The following MAGI2 variants were observed in gnomAD, a reference collection of about 807,000 sequenced individuals.
MAGI2 encodes membrane-associated guanylate kinase, WW and PDZ domain-containing protein 2.
A neutral mutation model predicts 133.3 loss-of-function variants in MAGI2; 35 were observed. That is an observed-to-expected ratio of 0.26 (90% CI 0.20 to 0.35). The LOEUF is 0.35. MAGI2 is among the 10% of genes least tolerant of loss of function. The pLI, the probability that MAGI2 is intolerant of heterozygous loss-of-function variation, is 1.00. For synonymous variants in MAGI2, 729 were observed against 710.6 expected (o/e 1.03, Z -0.41); for missense variants, 1,636 against 1,863.4 (o/e 0.88, Z 2.25).
chr7:78,648,997 C>G (rs2362942), intron 2 of MAGI2, among the ~76,000 whole-genome samples: 7,565 of 151,914 alleles, frequency 0.05, 282 homozygotes, highest in East Asian at 0.16. Context: ...ATACCCTTAG[C>G]CATTTCAACA....
intron 4 of MAGI2, among the ~76,000 whole-genome samples, chr7:78,516,106 A>C (rs1044789856): frequency 2.0e-5 from 3 of 152,118 alleles, no homozygotes; most frequent in Non-Finnish European, 2.9e-5. Context: ...AAATAAGAAA[A>C]ATTTTTATTG....
chr7:78,995,343 G>A (rs1806187623), intron 2 of MAGI2, among the ~76,000 whole-genome samples: 1 of 152,022 alleles, frequency 6.6e-6, no homozygotes, highest in African/African-American at 2.4e-5. Context: ...CTATATCAAG[G>A]TAATAGCTTT....
chr7:78,446,124 AT>A (rs1399242334), intron 6 of MAGI2, among the ~76,000 whole-genome samples: 1 of 148,380 alleles, frequency 6.7e-6, no homozygotes, highest in African/African-American at 2.5e-5. Context: ...GTTTCTCTGA[AT>A]TTTTTGAATT....
intron 3 of MAGI2, among the ~76,000 whole-genome samples, chr7:78,541,142 C>A (rs935183110): frequency 4.6e-5 from 7 of 152,178 alleles, no homozygotes; most frequent in Non-Finnish European, 8.8e-5. Flanking sequence ...CCCTGATACT[C>A]AGGATTTCTT....
intron 1 of MAGI2, among the ~76,000 whole-genome samples, chr7:79,424,266 T>G (rs2129181700): frequency 6.6e-6 from 1 of 152,106 alleles, no homozygotes; most frequent in South Asian, 2.1e-4. Flanking sequence ...TTTTCTTTTT[T>G]TTTTTAATTT....
intron 2 of MAGI2, among the ~76,000 whole-genome samples, chr7:78,780,276 A>G (rs1826292499): frequency 2.0e-5 from 3 of 152,230 alleles, no homozygotes; most frequent in Admixed American, 1.3e-4. Flanking sequence ...TTGGGAAAAG[A>G]TATGCACAAA....
chr7:78,185,577 C>A, intron 13 of MAGI2, 52 bp downstream of exon 13: 1 of 1,408,158 alleles, frequency 7.1e-7, no homozygotes, highest in Non-Finnish European at 9.8e-7. Flanking sequence ...ATTTGTTACA[C>A]AAAATGGAAG....
chr7:79,242,216 T>C (rs1178361015), intron 1 of MAGI2, among the ~76,000 whole-genome samples: 1 of 152,192 alleles, frequency 6.6e-6, no homozygotes, highest in Non-Finnish European at 1.5e-5. Context: ...AGGTGATTCA[T>C]ATGCTAATTA....
At chr7:78,445,223 C>T (rs1788013481) in intron 6 of MAGI2, among the ~76,000 whole-genome samples, 1 of 151,974 alleles carries the variant, frequency 6.6e-6, no homozygotes, top group Non-Finnish European at 1.5e-5. Flanking sequence ...AGATATCATG[C>T]AACTATCTGC....
intron 6 of MAGI2, among the ~76,000 whole-genome samples, chr7:78,446,946 G>A (rs565649566): frequency 6.6e-6 from 1 of 152,124 alleles, no homozygotes; most frequent in Middle Eastern, 3.4e-3. Context: ...CCGTTTATAG[G>A]ATGCACAGTT....
At chr7:78,080,386 A>C (rs1815822655) in intron 20 of MAGI2, among the ~76,000 whole-genome samples, 1 of 152,174 alleles carries the variant, frequency 6.6e-6, no homozygotes, top group Non-Finnish European at 1.5e-5. Context: ...GACGGAACTA[A>C]CTTAACTGTT....
intron 2 of MAGI2, among the ~76,000 whole-genome samples, chr7:78,719,388 T>C (rs1443884267): frequency 2.0e-5 from 3 of 152,172 alleles, no homozygotes; most frequent in African/African-American, 7.2e-5. Context: ...AAAATCCAAC[T>C]GTAAGTGACC....
intron 20 of MAGI2, among the ~76,000 whole-genome samples, chr7:78,103,761 G>A (rs80125409): frequency 0.011 from 1,689 of 152,318 alleles, 38 homozygotes; most frequent in African/African-American, 0.037. Flanking sequence ...TGAAAGCATG[G>A]AAAAAGTACA....
At chr7:78,792,379 T>A (rs975288318) in intron 2 of MAGI2, among the ~76,000 whole-genome samples, 6 of 152,244 alleles carry the variant, frequency 3.9e-5, no homozygotes, top group African/African-American at 1.4e-4. Context: ...CCTTATATAA[T>A]TATTTAAAGC....
At chr7:78,650,904 CAGAT>C (rs1345470602) in intron 2 of MAGI2, among the ~76,000 whole-genome samples, 1 of 152,108 alleles carries the variant, frequency 6.6e-6, no homozygotes, top group Non-Finnish European at 1.5e-5. Context: ...TGTATCCGAA[CAGAT>C]AGTGTCACCT....
At chr7:78,707,061 T>C (rs1818724339) in intron 2 of MAGI2, among the ~76,000 whole-genome samples, 1 of 151,994 alleles carries the variant, frequency 6.6e-6, no homozygotes, top group African/African-American at 2.4e-5. Flanking sequence ...AACTAACAAC[T>C]ACTAAAACCC....
chr7:79,003,050 A>T (rs1807053772), intron 2 of MAGI2, among the ~76,000 whole-genome samples: 1 of 151,956 alleles, frequency 6.6e-6, no homozygotes, highest in Non-Finnish European at 1.5e-5. Context: ...GTTAAGGGTC[A>T]GTGGAGACCT....
intron 1 of MAGI2, among the ~76,000 whole-genome samples, chr7:79,288,567 C>T (rs1836211106): frequency 6.6e-6 from 1 of 152,004 alleles, no homozygotes; most frequent in Non-Finnish European, 1.5e-5. Context: ...TTTCAATGTT[C>T]CCTTAGAACA....
chr7:78,696,244 C>A (rs1467606736), intron 2 of MAGI2, among the ~76,000 whole-genome samples: 2 of 152,206 alleles, frequency 1.3e-5, no homozygotes, highest in East Asian at 1.9e-4. Context: ...AGCCTCATTT[C>A]TTTTTTGATA....
Sources: gnomAD v4.1 joint callset for allele counts (sites outside exome capture counted in the v4.1 genomes callset) on GRCh38, gnomAD v4.1.1 for gene constraint, MANE v1.5 for transcripts, NCBI Gene and HGNC (gene_info 2026-07-23, HGNC 2026-07-21) for gene names.